Variants in GPAT3 observed in about 807,000 individuals in gnomAD.
The protein encoded by GPAT3 is glycerol-3-phosphate acyltransferase 3.
Under a neutral mutation model 58.8 loss-of-function variants are expected in GPAT3, and 53 were observed. The observed-to-expected ratio is 0.90, with a 90% CI of 0.72 to 1.13. The LOEUF is 1.13. GPAT3 is among the 50% of genes most tolerant of loss of function. The probability of loss-of-function intolerance (pLI) is 0.00; values close to 1 mark genes in which losing one functional copy is unlikely to be tolerated. For missense variants in GPAT3, 511 were observed against 527.6 expected, an observed-to-expected ratio of 0.97 and a Z score of 0.31; for synonymous variants, 197 against 187.4, an observed-to-expected ratio of 1.05 and a Z score of -0.42.
chr4:83,590,601 T>A (rs1290109692), intron 6 of GPAT3, among the ~76,000 whole-genome samples: 1 of 152,218 alleles, frequency 6.6e-6, no homozygotes, highest in East Asian at 1.9e-4. Flanking sequence ...TTTAATAATA[T>A]TTGCAACATT....
rs778476923 is a variant in GPAT3, at chr4:83,536,609, G to T, written c.-14G>T. On this transcript the variant is annotated 5_prime_UTR_variant, in exon 1 of 12. Coordinates refer to ENST00000264409, the MANE Select transcript of GPAT3 (RefSeq NM_032717.5). ...CCTCCACTGCGGACCTCTCCTGAGT[G>T]GGTGCGCCGAGTCATGGAGGGCGCA... 2 of 1,610,782 alleles carry T rather than the reference G, an allele frequency of 1.2e-6. No individual in the cohort carries two copies. The highest frequency in any genetic ancestry group is 1.1e-5 in the South Asian group (1 of 90,688).
chr4:83,536,476 T>A lies in GPAT3; in HGVS notation c.-147T>A. The stretch of plus-strand genomic sequence containing the variant: ...AGGATATTGCCGTAATTCTGAAAGT[T>A]TTTTTCCTTCCTCTCTTCCCTTCGC... On this transcript the variant is annotated 5_prime_UTR_variant, in exon 1 of 12. Coordinates refer to ENST00000264409, the MANE Select transcript of GPAT3 (RefSeq NM_032717.5). 2.7e-6 allele frequency: 4 copies of A among 1,461,402 alleles called. No individual in the cohort carries two copies. The South Asian group carries it at 6.0e-5, about 22-fold the overall frequency. 90.5% of individuals were successfully genotyped at this position (1,461,402 alleles called of 1,614,324 possible).
At chr4:83,594,182 C>T (rs1205437079) in intron 6 of GPAT3, among the ~76,000 whole-genome samples, 1 of 152,210 alleles carries the variant, frequency 6.6e-6, no homozygotes, top group Admixed American at 6.5e-5. Flanking sequence ...CAACCTTGCT[C>T]TGTTCCCAGC....
chr4:83,541,259 G>T (rs1419652995), intron 1 of GPAT3, among the ~76,000 whole-genome samples: 1 of 151,252 alleles, frequency 6.6e-6, no homozygotes, highest in African/African-American at 2.4e-5. Context: ...TTGAGGCAGG[G>T]TCTCCCTGTC....
intron 10 of GPAT3, 184 bp from the exon 11 acceptor site, chr4:83,598,455 AAAATT>A (rs1295383751): frequency 2.4e-5 from 17 of 721,330 alleles, no homozygotes; most frequent in Non-Finnish European, 3.5e-5. Context: ...CACATGGTAA[AAAATT>A]AAACAATACA....
At chr4:83,581,223 T>G (rs1165705332) in intron 2 of GPAT3, among the ~76,000 whole-genome samples, 1 of 152,014 alleles carries the variant, frequency 6.6e-6, no homozygotes, top group Non-Finnish European at 1.5e-5. Context: ...TTACACAATC[T>G]AGAGTTATAC....
At chr4:83,581,345 C>G (rs1726117098) in intron 2 of GPAT3, among the ~76,000 whole-genome samples, 1 of 151,930 alleles carries the variant, frequency 6.6e-6, no homozygotes, top group African/African-American at 2.4e-5. Context: ...TTATAATTAA[C>G]AAAGATCATG....
intron 1 of GPAT3, among the ~76,000 whole-genome samples, chr4:83,537,422 T>C (rs1166915793): frequency 6.6e-6 from 1 of 152,106 alleles, no homozygotes; most frequent in Non-Finnish European, 1.5e-5. Flanking sequence ...AACTGCAGCT[T>C]ACTCTTAGGG....
chr4:83,585,395 T>A (rs1726340473), intron 3 of GPAT3, among the ~76,000 whole-genome samples: 4 of 150,636 alleles, frequency 2.7e-5, no homozygotes, highest in Admixed American at 2.7e-4. Context: ...TATCCTATTT[T>A]GAGTGAGGAC....
At chr4:83,590,093 A>C in intron 5 of GPAT3, 106 bp from the exon 6 acceptor site, 1 of 1,059,340 alleles carries the variant, frequency 9.4e-7, no homozygotes, top group South Asian at 1.6e-5. Context: ...ACGCGAAAAA[A>C]AAAATTACAT....
At chr4:83,544,471 T>G in intron 1 of GPAT3, 65 bp from the exon 2 acceptor site, 1 of 1,479,106 alleles carries the variant, frequency 6.8e-7, no homozygotes, top group Non-Finnish European at 9.5e-7. Context: ...TGTATAATCA[T>G]GGTTGAAGTG....
At position 83,572,502 on chromosome 4, in the gene GPAT3, T is replaced by A. The variant is rs573703035; in HGVS notation, c.209-9060T>A. 1.4e-4 allele frequency among the ~76,000 whole-genome samples: 21 copies of A among 152,330 alleles called. No individual in the cohort carries two copies. In the South Asian group the frequency reaches 3.9e-3, roughly 29 times the overall value. On this transcript the variant is annotated intron_variant, in intron 2 of 11. Coordinates refer to ENST00000264409, the MANE Select transcript of GPAT3 (RefSeq NM_032717.5). ...CTTTTTTTTCAGGTTTTCCTTTGTG[T>A]AAGTATTTTTCAATTAAAAAAATTA...
At chr4:83,580,819 G>A (rs900045280) in intron 2 of GPAT3, among the ~76,000 whole-genome samples, 7 of 152,122 alleles carry the variant, frequency 4.6e-5, no homozygotes, top group Non-Finnish European at 8.8e-5. Flanking sequence ...AAAATCGGCC[G>A]GGCGTGGTGG....
intron 1 of GPAT3, among the ~76,000 whole-genome samples, chr4:83,542,986 G>A (rs114289577): frequency 0.021 from 3,192 of 151,758 alleles, 112 homozygotes; most frequent in African/African-American, 0.072. Context: ...TAACAAGAGC[G>A]AAAACTCCTT....
intron 2 of GPAT3, among the ~76,000 whole-genome samples, chr4:83,567,755 A>G (rs1160100295): frequency 6.6e-6 from 1 of 152,068 alleles, no homozygotes; most frequent in Admixed American, 6.6e-5. Flanking sequence ...AACATGGCAA[A>G]ATCCTGTCTC....
chr4:83,552,452 T>A (rs1392547193), intron 2 of GPAT3, among the ~76,000 whole-genome samples: 1 of 152,174 alleles, frequency 6.6e-6, no homozygotes, highest in African/African-American at 2.4e-5. Context: ...TGATTTTAGT[T>A]TTCTAACAAA....
At chr4:83,595,492 T>C (rs1277574274) in intron 7 of GPAT3, among the ~76,000 whole-genome samples, 1 of 152,056 alleles carries the variant, frequency 6.6e-6, no homozygotes, top group Non-Finnish European at 1.5e-5. Flanking sequence ...GAGGCCAAGG[T>C]AGGAGAATGG....
intron 2 of GPAT3, among the ~76,000 whole-genome samples, chr4:83,559,721 G>A (rs1247346087): frequency 2.0e-5 from 3 of 152,078 alleles, no homozygotes; most frequent in African/African-American, 7.2e-5. Context: ...AAAATGTTTT[G>A]GTAATGGAAT....
chr4:83,535,956 G>C, upstream of GPAT3: 13 of 985,588 alleles, frequency 1.3e-5, no homozygotes, highest in Non-Finnish European at 1.6e-5. Flanking sequence ...CTGAGTGCTG[G>C]GGGAGGCGGG....
Sources: allele counts gnomAD v4.1 joint callset (sites outside exome capture counted in the v4.1 genomes callset), GRCh38; gene constraint gnomAD v4.1.1; transcripts MANE v1.5; gene names NCBI Gene and HGNC (gene_info 2026-07-23, HGNC 2026-07-21).